Variants in TMEM161B observed in about 807,000 individuals in gnomAD.
TMEM161B encodes the protein transmembrane protein 161B.
TMEM161B carries 34 observed loss-of-function variants against 61.8 expected under a neutral mutation model. That is an observed-to-expected ratio of 0.55 (90% CI 0.42 to 0.73). The LOEUF (loss-of-function observed/expected upper bound fraction) is 0.73. Among genes scored for constraint, TMEM161B ranks in the 30% least tolerant of loss-of-function variants. TMEM161B has a pLI of 0.00. For missense variants in TMEM161B, 456 were observed against 558.5 expected (o/e 0.82, Z 1.85); for synonymous variants, 167 against 192.8 (o/e 0.87, Z 1.11).
rs1380791604 is a variant in TMEM161B, at chr5:88,268,826, A to G, written c.-103T>C. 3.8e-6 allele frequency: 6 copies of G among 1,584,974 alleles called. No homozygotes were observed. The highest frequency in any genetic ancestry group is 1.1e-5 in the South Asian group (1 of 89,260). On this transcript the variant is annotated 5_prime_UTR_variant, in exon 1 of 12. Coordinates refer to ENST00000296595, the MANE Select transcript of TMEM161B (RefSeq NM_153354.5). ...AGCCGAGAGACTCTCAAACAGCGAA[A>G]GAGAGGGTCTTCCGGCTCTGCCGGA...
intron 5 of TMEM161B, among the ~76,000 whole-genome samples, chr5:88,216,509 T>G (rs528338437): frequency 6.6e-6 from 1 of 152,348 alleles, no homozygotes; most frequent in Admixed American, 6.5e-5. Context: ...ACACTGGATA[T>G]CTCAGATGTT....
Position 88,196,093 on chromosome 5 carries a change from C to G in TMEM161B, c.*118G>C. 6.9e-7 allele frequency: 1 copy of G among 1,451,330 alleles called. No individual in the cohort carries two copies. Among genetic ancestry groups the G allele is most frequent in the East Asian group, 2.5e-5 (1 of 40,790 alleles). 89.9% of individuals were successfully genotyped at this position (1,451,330 alleles called of 1,614,324 possible). On this transcript the variant is annotated 3_prime_UTR_variant, in exon 12 of 12. Coordinates refer to ENST00000296595, the MANE Select transcript of TMEM161B (RefSeq NM_153354.5). ...GAGGAAACATTTAATACAAGACATTCTGATATGTTTTTTTTTTCCCATTGT... is the reference window on the plus strand; with the variant it reads ...GAGGAAACATTTAATACAAGACATTGTGATATGTTTTTTTTTTCCCATTGT...
At chr5:88,231,901 T>C (rs1014113199) in intron 2 of TMEM161B, among the ~76,000 whole-genome samples, 1 of 152,190 alleles carries the variant, frequency 6.6e-6, no homozygotes, top group Non-Finnish European at 1.5e-5. Context: ...TCTTATTTAA[T>C]ATATATCATT....
intron 1 of TMEM161B, among the ~76,000 whole-genome samples, chr5:88,256,029 C>T (rs1035290610): frequency 4.6e-5 from 7 of 152,056 alleles, no homozygotes; most frequent in South Asian, 2.1e-4. Context: ...AGACATTTTC[C>T]GCAGTATAAA....
chr5:88,240,669 T>C lies in TMEM161B; in HGVS notation c.107+144A>G, dbSNP rs1436956637. The C allele has an allele frequency of 4.5e-5, 31 of 694,826 alleles. No individual in the cohort carries two copies. In the South Asian group the frequency reaches 5.5e-4, roughly 12 times the overall value. The allele number at this position is 694,826 out of a possible 1,614,324, so 43.0% of individuals were successfully genotyped here. A position where few individuals can be genotyped will look rare whatever the true frequency, so the allele number is the denominator to read the frequency against. On this transcript the variant is annotated intron_variant, in intron 2 of 11. Transcript: ENST00000296595. ...GGTCTTGTCTCCAAAAAAAAAAAATTAATTTTTTAAGAGAAATAAGAAAGC... is the reference window on the plus strand; with the variant it reads ...GGTCTTGTCTCCAAAAAAAAAAAATCAATTTTTTAAGAGAAATAAGAAAGC...
intron 5 of TMEM161B, among the ~76,000 whole-genome samples, chr5:88,219,939 AGCTAT>A (rs1748607885): frequency 2.6e-5 from 4 of 152,116 alleles, no homozygotes; most frequent in Admixed American, 2.6e-4. Flanking sequence ...ACAGGATATT[AGCTAT>A]GCTGGAAGTT....
intron 8 of TMEM161B, among the ~76,000 whole-genome samples, chr5:88,204,366 C>A (rs914466832): frequency 6.6e-6 from 1 of 152,108 alleles, no homozygotes; most frequent in Non-Finnish European, 1.5e-5. Context: ...TAAAATGAAG[C>A]CACATTTTAC....
chr5:88,237,729 T>TA (rs904758714), intron 2 of TMEM161B, among the ~76,000 whole-genome samples: 64 of 151,294 alleles, frequency 4.2e-4, no homozygotes, highest in Middle Eastern at 3.4e-3. Context: ...CAGTTTCTTT[T>TA]AAAAAAAAAG....
chr5:88,218,951 A>G (rs1415429131), intron 5 of TMEM161B, among the ~76,000 whole-genome samples: 2 of 124,666 alleles, frequency 1.6e-5, no homozygotes, highest in African/African-American at 5.1e-5. Flanking sequence ...AGGCAGACAT[A>G]GAATATCTTT....
At chr5:88,267,679 G>A (rs1197548481) in intron 1 of TMEM161B, among the ~76,000 whole-genome samples, 1 of 152,100 alleles carries the variant, frequency 6.6e-6, no homozygotes, top group Non-Finnish European at 1.5e-5. Flanking sequence ...CTGAGAAATT[G>A]GCTTACTGCA....
At chr5:88,210,334 G>A (rs1415428461) in intron 5 of TMEM161B, among the ~76,000 whole-genome samples, 3 of 152,106 alleles carry the variant, frequency 2.0e-5, no homozygotes, top group African/African-American at 4.8e-5. Flanking sequence ...AATACAAACA[G>A]ATAATGATAC....
At chr5:88,230,991 G>GT (rs758615860) in intron 2 of TMEM161B, among the ~76,000 whole-genome samples, 5 of 152,072 alleles carry the variant, frequency 3.3e-5, no homozygotes, top group Non-Finnish European at 4.4e-5. Context: ...AATCAATTTC[G>GT]TATCAATGAC....
At chr5:88,205,650 G>A (rs1178634094) in intron 8 of TMEM161B, 164 bp downstream of exon 8, 1 of 703,224 alleles carries the variant, frequency 1.4e-6, no homozygotes, top group Non-Finnish European at 2.2e-6. Flanking sequence ...AAATTTAGAA[G>A]CAAATAAAAG....
chr5:88,198,991 A>C lies in TMEM161B; in HGVS notation c.1074T>G (p.Val358=). ...MKKEAGRIST[V]ELQKMVARVF... is the part of the protein sequence containing the mutation. Reference sequence around the variant, plus strand: ...TAAAACTTACCATTTTCTGTAGCTCAACCGTGCTTATTCGCCCCGCTTCTT... The same window carrying C: ...TAAAACTTACCATTTTCTGTAGCTCCACCGTGCTTATTCGCCCCGCTTCTT... The change falls in exon 10 of 12, where the codon GTT becomes GTG. Residue 358 remains valine, a synonymous_variant. Coordinates refer to ENST00000296595, the MANE Select transcript of TMEM161B (RefSeq NM_153354.5). 6.2e-7 allele frequency: 1 copy of C among 1,612,630 alleles called. No homozygotes were observed. The highest frequency in any genetic ancestry group is 1.1e-5 in the South Asian group (1 of 90,972).
chr5:88,263,093 T>G (rs1216202139), intron 1 of TMEM161B, among the ~76,000 whole-genome samples: 2 of 152,186 alleles, frequency 1.3e-5, no homozygotes, highest in Non-Finnish European at 2.9e-5. Flanking sequence ...TTGCTTGCTT[T>G]TTAGATACAC....
intron 9 of TMEM161B, chr5:88,200,324 T>C (rs1157660937): frequency 1.3e-5 from 2 of 152,048 alleles, no homozygotes; most frequent in Non-Finnish European, 2.9e-5. Context: ...TATCAACATG[T>C]TTCCACTACA....
intron 5 of TMEM161B, among the ~76,000 whole-genome samples, chr5:88,217,013 G>A (rs1363842304): frequency 6.6e-6 from 1 of 152,308 alleles, no homozygotes; most frequent in East Asian, 1.9e-4. Context: ...CCTGGGAAAA[G>A]TACTGTAGAC....
intron 2 of TMEM161B, among the ~76,000 whole-genome samples, chr5:88,235,491 G>A (rs189293846): frequency 1.3e-5 from 2 of 152,104 alleles, no homozygotes; most frequent in African/African-American, 4.8e-5. Context: ...CGTGAGAGTG[G>A]AGCCCTCATT....
At chr5:88,200,013 C>G (rs897633152) in intron 9 of TMEM161B, 2 of 151,642 alleles carry the variant, frequency 1.3e-5, no homozygotes, top group African/African-American at 4.8e-5. Context: ...CAGATAAAAC[C>G]TGGAACTCAG....
Sources: gnomAD v4.1 joint callset for allele counts (sites outside exome capture counted in the v4.1 genomes callset) on GRCh38, gnomAD v4.1.1 for gene constraint, MANE v1.5 for transcripts, NCBI Gene and HGNC (gene_info 2026-07-23, HGNC 2026-07-21) for gene names.